The following AKAP19 variants were observed in gnomAD, a reference collection of about 807,000 sequenced individuals.
AKAP19 encodes A-kinase anchoring protein 19.
At chr2:190,133,152 A>G in the AKAP19 span, among the ~76,000 whole-genome samples, 7,823 of 147,750 alleles carry the variant, frequency 0.053, 265 homozygotes, top group Middle Eastern at 0.095. Context: ...GCAGGAGAAT[A>G]GCGTGAACCC....
At chr2:189,902,087 T>C in the AKAP19 span, among the ~76,000 whole-genome samples, 1 of 152,094 alleles carries the variant, frequency 6.6e-6, no homozygotes, top group South Asian at 2.1e-4. Flanking sequence ...CTTTTTATAA[T>C]TATTGCTATG....
At chr2:190,132,298 A>G in the AKAP19 span, among the ~76,000 whole-genome samples, 1 of 152,186 alleles carries the variant, frequency 6.6e-6, no homozygotes, top group Non-Finnish European at 1.5e-5. Context: ...AATAATACTA[A>G]AATTTGTATG....
At chr2:190,058,227 A>C in the AKAP19 span, among the ~76,000 whole-genome samples, 1 of 152,008 alleles carries the variant, frequency 6.6e-6, no homozygotes, top group African/African-American at 2.4e-5. Context: ...GTATTTAAAA[A>C]TTTGTTGATT....
the AKAP19 span, among the ~76,000 whole-genome samples, chr2:190,152,996 C>T: frequency 1.2e-3 from 182 of 151,884 alleles, 1 homozygote; most frequent in African/African-American, 3.9e-3. Context: ...CCCGGGTTCA[C>T]GCCATTCTCC....
At chr2:189,943,899 G>A in the AKAP19 span, among the ~76,000 whole-genome samples, 6 of 152,190 alleles carry the variant, frequency 3.9e-5, no homozygotes, top group Non-Finnish European at 8.8e-5. Context: ...TTTTAGAATG[G>A]GAATGTTTAC....
the AKAP19 span, among the ~76,000 whole-genome samples, chr2:189,885,079 A>C: frequency 6.6e-6 from 1 of 152,194 alleles, no homozygotes; most frequent in East Asian, 1.9e-4. Flanking sequence ...TATCTCAAAA[A>C]TGTTATGAGG....
the AKAP19 span, among the ~76,000 whole-genome samples, chr2:190,043,352 T>C: frequency 6.6e-6 from 1 of 152,216 alleles, no homozygotes. Context: ...ATTTGGCCCC[T>C]TTACATAATG....
At chr2:190,034,952 T>C in the AKAP19 span, among the ~76,000 whole-genome samples, 1 of 152,124 alleles carries the variant, frequency 6.6e-6, no homozygotes, top group East Asian at 1.9e-4. Flanking sequence ...TGAATACCCA[T>C]TGACCTATTA....
At chr2:190,021,909 A>G in the AKAP19 span, among the ~76,000 whole-genome samples, 2 of 152,208 alleles carry the variant, frequency 1.3e-5, no homozygotes, top group Non-Finnish European at 2.9e-5. Context: ...ACGGAGGCCA[A>G]GAAGTCCGAG....
At chr2:189,898,677 T>A in the AKAP19 span, among the ~76,000 whole-genome samples, 2 of 152,158 alleles carry the variant, frequency 1.3e-5, no homozygotes, top group African/African-American at 4.8e-5. Flanking sequence ...ATCTTGTCAG[T>A]TCTACTTGAA....
chr2:189,947,878 T>C, the AKAP19 span, among the ~76,000 whole-genome samples: 7 of 152,140 alleles, frequency 4.6e-5, no homozygotes, highest in African/African-American at 7.2e-5. Context: ...ACTTTGTTGA[T>C]GGCAGACCAA....
chr2:190,053,432 G>T, the AKAP19 span, among the ~76,000 whole-genome samples: 1 of 152,086 alleles, frequency 6.6e-6, no homozygotes, highest in Admixed American at 6.5e-5. Context: ...GTTATCTAGC[G>T]TAAATATACT....
At chr2:190,144,603 A>T in the AKAP19 span, among the ~76,000 whole-genome samples, 22 of 152,208 alleles carry the variant, frequency 1.4e-4, no homozygotes, top group Non-Finnish European at 2.6e-4. Flanking sequence ...TGCAAATATA[A>T]ATGCATCCTT....
At chr2:190,203,060 T>TA in the AKAP19 span, 2 of 167,070 alleles carry the variant, frequency 1.2e-5, no homozygotes, top group Non-Finnish European at 2.9e-5. Flanking sequence ...GCCTTATTAG[T>TA]ATTAAAAACA....
At chr2:190,063,648 TAAAAG>T in the AKAP19 span, among the ~76,000 whole-genome samples, 2 of 152,114 alleles carry the variant, frequency 1.3e-5, no homozygotes, top group South Asian at 4.1e-4. Context: ...TATGAGCACA[TAAAAG>T]AGAAAGAGCA....
At chr2:189,962,057 TAC>T in the AKAP19 span, among the ~76,000 whole-genome samples, 1 of 152,120 alleles carries the variant, frequency 6.6e-6, no homozygotes, top group Non-Finnish European at 1.5e-5. Flanking sequence ...CATATTAAAA[TAC>T]AGTCATGTGA....
the AKAP19 span, among the ~76,000 whole-genome samples, chr2:189,961,104 T>G: frequency 2.0e-5 from 3 of 152,184 alleles, no homozygotes; most frequent in East Asian, 5.8e-4. Context: ...GTATAACATA[T>G]AAGACAAGTG....
chr2:189,923,013 T>C, the AKAP19 span, among the ~76,000 whole-genome samples: 1 of 152,094 alleles, frequency 6.6e-6, no homozygotes, highest in Non-Finnish European at 1.5e-5. Context: ...TAGCCGGGTA[T>C]GGCAGTGTAC....
chr2:190,185,425 TAAC>T, the AKAP19 span, among the ~76,000 whole-genome samples: 1 of 152,188 alleles, frequency 6.6e-6, no homozygotes, highest in African/African-American at 2.4e-5. Flanking sequence ...TCTACCAACT[TAAC>T]AAAATGATAA....
Sources: allele counts gnomAD v4.1 joint callset (sites outside exome capture counted in the v4.1 genomes callset), GRCh38; gene constraint gnomAD v4.1.1; transcripts MANE v1.5; gene names NCBI Gene and HGNC (gene_info 2026-07-23, HGNC 2026-07-21).